Variants in RAD51B observed in about 807,000 individuals in gnomAD.
RAD51B encodes the protein RAD51 paralog B, also known as DNA repair protein RAD51 homolog 2.
RAD51B carries 38 observed loss-of-function variants against 42.2 expected under a neutral mutation model. That is an observed-to-expected ratio of 0.90 (90% CI 0.70 to 1.18). RAD51B has a LOEUF of 1.18. RAD51B is among the 50% of genes most tolerant of loss of function. The pLI is 0.00. For synonymous variants in RAD51B, 154 were observed against 145.2 expected (o/e 1.06, Z -0.43); for missense variants, 373 against 400.7 (o/e 0.93, Z 0.59).
At chr14:68,019,137 A>G (rs761659737) in intron 7 of RAD51B, among the ~76,000 whole-genome samples, 1 of 151,906 alleles carries the variant, frequency 6.6e-6, no homozygotes, top group South Asian at 2.1e-4. Context: ...AAAAAAAAAA[A>G]CACACCAAAA....
chr14:67,869,675 G>A (rs945054025), intron 5 of RAD51B, among the ~76,000 whole-genome samples: 18 of 152,142 alleles, frequency 1.2e-4, no homozygotes, highest in African/African-American at 4.1e-4. Flanking sequence ...AATGTTAAGC[G>A]CAGCCAGAGA....
At chr14:68,468,116 T>C (rs988396575) in intron 9 of RAD51B, 56 bp from the exon 10 acceptor site, 2 of 1,470,282 alleles carry the variant, frequency 1.4e-6, no homozygotes, top group South Asian at 1.1e-5. Context: ...GGGGAGTGAA[T>C]AGAGGCCCAT....
chr14:68,453,196 T>A (rs755684218), intron 9 of RAD51B, among the ~76,000 whole-genome samples: 1 of 152,234 alleles, frequency 6.6e-6, no homozygotes, highest in Non-Finnish European at 1.5e-5. Flanking sequence ...TGACCACATA[T>A]GTATATTCTT....
At chr14:68,074,238 T>C (rs1487305577) in intron 7 of RAD51B, among the ~76,000 whole-genome samples, 1 of 152,190 alleles carries the variant, frequency 6.6e-6, no homozygotes, top group Non-Finnish European at 1.5e-5. Flanking sequence ...AAATTCTTTT[T>C]TCTTTATTTT....
chr14:68,001,445 T>C (rs1213080492), intron 7 of RAD51B, among the ~76,000 whole-genome samples: 4 of 152,148 alleles, frequency 2.6e-5, no homozygotes, highest in African/African-American at 9.7e-5. Context: ...TACTTTTTTA[T>C]TTTGGAAATT....
intron 7 of RAD51B, among the ~76,000 whole-genome samples, chr14:68,146,896 T>A (rs935999068): frequency 2.6e-5 from 4 of 152,304 alleles, no homozygotes; most frequent in African/African-American, 9.6e-5. Flanking sequence ...GGCCAATGAT[T>A]GCTTAAAGAT....
At chr14:68,250,666 G>C (rs1352259444) in intron 7 of RAD51B, among the ~76,000 whole-genome samples, 1 of 152,124 alleles carries the variant, frequency 6.6e-6, no homozygotes, top group Non-Finnish European at 1.5e-5. Flanking sequence ...TGTTGCCCTG[G>C]CCTGCTCACA....
chr14:68,631,329 A>G (rs1336424998), intron 10 of RAD51B, among the ~76,000 whole-genome samples: 1 of 152,154 alleles, frequency 6.6e-6, no homozygotes, highest in Non-Finnish European at 1.5e-5. Context: ...TACAGTGATA[A>G]TATTGTTTCA....
intron 7 of RAD51B, among the ~76,000 whole-genome samples, chr14:68,072,127 A>G (rs190757555): frequency 0.014 from 1,843 of 135,298 alleles, 70 homozygotes; most frequent in African/African-American, 0.048. Context: ...TATAAAATAT[A>G]TATATAATTA....
chr14:68,242,363 G>A (rs1420319611), intron 7 of RAD51B, among the ~76,000 whole-genome samples: 1 of 152,154 alleles, frequency 6.6e-6, no homozygotes, highest in African/African-American at 2.4e-5. Flanking sequence ...ATCACAGATT[G>A]CCTGGAAATA....
At chr14:68,563,964 C>A (rs1165472219) in intron 10 of RAD51B, 2 of 943,954 alleles carry the variant, frequency 2.1e-6, no homozygotes, top group Non-Finnish European at 2.5e-6. Context: ...GGTGCTCCCC[C>A]ACACATACAC....
chr14:68,088,624 CAGAG>C (rs145869631), intron 7 of RAD51B, among the ~76,000 whole-genome samples: 15 of 120,834 alleles, frequency 1.2e-4, no homozygotes, highest in East Asian at 2.3e-4. Context: ...GTGTGTGAGA[CAGAG>C]AGAGAGAGAG....
At chr14:68,023,003 T>C (rs1231697568) in intron 7 of RAD51B, among the ~76,000 whole-genome samples, 1 of 152,238 alleles carries the variant, frequency 6.6e-6, no homozygotes, top group Admixed American at 6.5e-5. Flanking sequence ...TATGGCTGTT[T>C]AGTATTCTGT....
intron 10 of RAD51B, among the ~76,000 whole-genome samples, chr14:68,557,131 G>A (rs1180827020): frequency 3.3e-5 from 5 of 152,036 alleles, no homozygotes; most frequent in African/African-American, 1.2e-4. Context: ...CCTTGTATGG[G>A]GTCATTATTT....
chr14:68,361,176 C>T (rs1359621516), intron 8 of RAD51B, among the ~76,000 whole-genome samples: 1 of 152,146 alleles, frequency 6.6e-6, no homozygotes, highest in African/African-American at 2.4e-5. Context: ...TCTGAGGCAG[C>T]TCTGAGGCTA....
chr14:68,424,680 A>G (rs1179698430), intron 9 of RAD51B, among the ~76,000 whole-genome samples: 4 of 152,216 alleles, frequency 2.6e-5, no homozygotes, highest in Non-Finnish European at 5.9e-5. Context: ...AAAGATCCCC[A>G]TGACTCCAAG....
At chr14:68,350,091 T>C (rs1014924892) in intron 8 of RAD51B, among the ~76,000 whole-genome samples, 2 of 152,218 alleles carry the variant, frequency 1.3e-5, no homozygotes, top group Non-Finnish European at 2.9e-5. Flanking sequence ...CATGTTTACA[T>C]TGGAAATCTC....
intron 7 of RAD51B, among the ~76,000 whole-genome samples, chr14:68,234,475 A>G (rs1162232651): frequency 2.0e-5 from 3 of 152,208 alleles, no homozygotes; most frequent in African/African-American, 7.2e-5. Context: ...CATCGAGTGC[A>G]CTTACAAAAA....
chr14:68,611,307 A>C, exon 11 of RAD51B: 3 of 696,558 alleles, frequency 4.3e-6, no homozygotes, highest in Non-Finnish European at 7.9e-6. Context: ...CAGCAACTAT[A>C]ATTCTACTTT....
Sources: gnomAD v4.1 joint callset for allele counts (sites outside exome capture counted in the v4.1 genomes callset) on GRCh38, gnomAD v4.1.1 for gene constraint, MANE v1.5 for transcripts, NCBI Gene and HGNC (gene_info 2026-07-23, HGNC 2026-07-21) for gene names.